The following FOXJ3 variants were observed in gnomAD, a reference collection of about 807,000 sequenced individuals.
The protein encoded by FOXJ3 is forkhead box J3, also known as forkhead box protein J3.
A neutral mutation model predicts 76.1 loss-of-function variants in FOXJ3; 22 were observed. That is an observed-to-expected ratio of 0.29 (90% confidence interval 0.21 to 0.41). FOXJ3 has a LOEUF of 0.41. FOXJ3 is among the 10% of genes least tolerant of loss of function. The pLI, the probability that FOXJ3 is intolerant of heterozygous loss-of-function variation, is 1.00. For missense variants in FOXJ3, 613 were observed against 762.1 expected (o/e 0.80, Z 2.30); for synonymous variants, 269 against 261.2 (o/e 1.03, Z -0.29).
At chr1:42,215,636 G>A (rs1313862180) in intron 5 of FOXJ3, among the ~76,000 whole-genome samples, 1 of 151,936 alleles carries the variant, frequency 6.6e-6, no homozygotes, top group Admixed American at 6.6e-5. Flanking sequence ...AAAAATAAAT[G>A]GAAGGAAAAA....
chr1:42,312,150 A>G (rs1654852987), intron 1 of FOXJ3, among the ~76,000 whole-genome samples: 1 of 152,222 alleles, frequency 6.6e-6, no homozygotes. Flanking sequence ...TTATAGACCC[A>G]GCATTTTAAG....
intron 3 of FOXJ3, among the ~76,000 whole-genome samples, chr1:42,274,558 T>C (rs1258118512): frequency 6.6e-6 from 1 of 152,198 alleles, no homozygotes; most frequent in Admixed American, 6.5e-5. Context: ...CAAAGTTACT[T>C]AACTTCTCTA....
intron 4 of FOXJ3, among the ~76,000 whole-genome samples, chr1:42,234,675 T>C (rs1291523651): frequency 2.6e-5 from 4 of 152,110 alleles, no homozygotes; most frequent in African/African-American, 7.2e-5. Context: ...CTCCAGACCG[T>C]TTGCCTGGGT....
chr1:42,191,807 A>G (rs1339212918), intron 8 of FOXJ3, 88 bp from the exon 9 acceptor site: 9 of 1,405,086 alleles, frequency 6.4e-6, no homozygotes, highest in African/African-American at 2.8e-5. Context: ...ACAAAAGCAT[A>G]TGATGCCAGG....
chr1:42,235,560 GTGTT>G (rs1429435437), intron 4 of FOXJ3, among the ~76,000 whole-genome samples: 1 of 143,944 alleles, frequency 6.9e-6, no homozygotes, highest in Non-Finnish European at 1.5e-5. Context: ...GTTTTTTTTT[GTGTT>G]TTTTTGTTTT....
intron 2 of FOXJ3, among the ~76,000 whole-genome samples, chr1:42,302,944 A>G (rs1231996799): frequency 6.7e-6 from 1 of 150,314 alleles, no homozygotes; most frequent in Non-Finnish European, 1.5e-5. Flanking sequence ...AAAGAGCAAA[A>G]TATTTTATCA....
rs767220212 is a variant in FOXJ3, at chr1:42,205,796, G to A, written c.596C>T (p.Ser199Phe). The A allele has an allele frequency of 1.7e-5, 27 of 1,610,788 alleles. No individual in the cohort carries two copies. The highest frequency in any genetic ancestry group is 2.2e-5 in the Non-Finnish European group (26 of 1,177,052). The change falls in exon 6 of 13, where the codon TCT becomes TTT. Residue 199 changes from serine to phenylalanine, a missense_variant. Coordinates refer to ENST00000361346, the MANE Select transcript of FOXJ3 (RefSeq NM_014947.5). The stretch of plus-strand genomic sequence containing the variant: ...CACAGTGTTGATTGCCAGAGTTGGA[G>A]AGGCACTTCCCGAAATAATACACTC... ...GMECIISGSASPTLAINTVTN... is the reference protein window; with the variant it reads ...GMECIISGSAFPTLAINTVTN...
intron 2 of FOXJ3, among the ~76,000 whole-genome samples, chr1:42,295,073 CT>C (rs1183957136): frequency 6.6e-6 from 1 of 152,046 alleles, no homozygotes; most frequent in Non-Finnish European, 1.5e-5. Context: ...TTTTTTAAAA[CT>C]TTAGATTCAG....
chr1:42,239,580 T>C (rs1274199608), intron 4 of FOXJ3, among the ~76,000 whole-genome samples: 1 of 152,186 alleles, frequency 6.6e-6, no homozygotes, highest in Non-Finnish European at 1.5e-5. Flanking sequence ...TAACTACTCA[T>C]CAATTGTCAC....
intron 2 of FOXJ3, among the ~76,000 whole-genome samples, chr1:42,297,580 T>C (rs1007833935): frequency 6.6e-6 from 1 of 152,250 alleles, no homozygotes; most frequent in African/African-American, 2.4e-5. Context: ...GATTTGCATA[T>C]GCTTAAACAT....
chr1:42,292,488 T>C (rs928580543), intron 2 of FOXJ3, among the ~76,000 whole-genome samples: 3 of 152,228 alleles, frequency 2.0e-5, no homozygotes, highest in Non-Finnish European at 4.4e-5. Flanking sequence ...GAACTGCTGA[T>C]GCATGCAGCA....
chr1:42,263,486 T>C (rs1651218683), intron 4 of FOXJ3, among the ~76,000 whole-genome samples: 1 of 152,208 alleles, frequency 6.6e-6, no homozygotes, highest in Admixed American at 6.5e-5. Flanking sequence ...TAAAATCTAA[T>C]TATCTTTTTG....
At chr1:42,270,620 C>T (rs1472660776) in intron 3 of FOXJ3, among the ~76,000 whole-genome samples, 2 of 152,096 alleles carry the variant, frequency 1.3e-5, no homozygotes. Context: ...AGTGGAGAGG[C>T]AGAAATAATT....
At chr1:42,277,399 A>C (rs970393560) in intron 3 of FOXJ3, among the ~76,000 whole-genome samples, 64 of 151,898 alleles carry the variant, frequency 4.2e-4, no homozygotes, top group Non-Finnish European at 6.9e-4. Flanking sequence ...ACGGTGGCTC[A>C]CGCCTGTAAT....
At chr1:42,245,719 C>CTG (rs4019584) in intron 4 of FOXJ3, among the ~76,000 whole-genome samples, 111,193 of 151,858 alleles carry the variant, frequency 0.73, 40,904 homozygotes, top group Admixed American at 0.81. Context: ...TCATACCAAA[C>CTG]TGAAAAGCTG....
At chr1:42,300,634 C>T (rs1243909077) in intron 2 of FOXJ3, among the ~76,000 whole-genome samples, 1 of 151,942 alleles carries the variant, frequency 6.6e-6, no homozygotes, top group Admixed American at 6.6e-5. Context: ...GAAAATTAGC[C>T]GGGCATGGTG....
At chr1:42,237,911 T>TACACACAC (rs60804378) in intron 4 of FOXJ3, among the ~76,000 whole-genome samples, 438 of 150,714 alleles carry the variant, frequency 2.9e-3, no homozygotes, top group Non-Finnish European at 4.0e-3. Flanking sequence ...TCTATCAAAA[T>TACACACAC]ACACACACAC....
intron 4 of FOXJ3, among the ~76,000 whole-genome samples, chr1:42,240,403 CA>C (rs1311476880): frequency 6.6e-6 from 1 of 151,980 alleles, no homozygotes; most frequent in Non-Finnish European, 1.5e-5. Flanking sequence ...CCAGAATAGC[CA>C]AAATAATCTT....
At chr1:42,248,251 T>A (rs554665509) in intron 4 of FOXJ3, among the ~76,000 whole-genome samples, 1 of 152,226 alleles carries the variant, frequency 6.6e-6, no homozygotes, top group African/African-American at 2.4e-5. Flanking sequence ...AAAGACAACA[T>A]TGGCCGGGCG....
Sources: gnomAD v4.1 joint callset for allele counts (sites outside exome capture counted in the v4.1 genomes callset) on GRCh38, gnomAD v4.1.1 for gene constraint, MANE v1.5 for transcripts, NCBI Gene and HGNC (gene_info 2026-07-23, HGNC 2026-07-21) for gene names.